Variants in FAM168A observed in about 807,000 individuals in gnomAD.
The protein encoded by FAM168A is protein FAM168A.
A neutral mutation model predicts 28.5 loss-of-function variants in FAM168A; 3 were observed. The ratio of observed to expected loss-of-function variants is 0.11; its 90% CI spans 0.05 to 0.27. The LOEUF (loss-of-function observed/expected upper bound fraction) is 0.27. Ranked by LOEUF, FAM168A falls within the 10% of genes least tolerant of loss-of-function variation. The pLI, the probability that FAM168A is intolerant of heterozygous loss-of-function variation, is 1.00. For synonymous variants in FAM168A, 122 were observed against 124.2 expected, an observed-to-expected ratio of 0.98 and a Z score of 0.12; for missense variants, 222 against 311.5, an observed-to-expected ratio of 0.71 and a Z score of 2.16.
intron 4 of FAM168A, 63 bp downstream of exon 4, chr11:73,419,811 C>A: frequency 6.3e-7 from 1 of 1,581,260 alleles, no homozygotes; most frequent in Non-Finnish European, 8.6e-7. Flanking sequence ...CCTTTCCTTT[C>A]TTCCTAAGAA....
chr11:73,405,044 A>G lies in FAM168A; in HGVS notation c.*1719T>C, dbSNP rs1260751742. On this transcript the variant is annotated 3_prime_UTR_variant, in exon 8 of 8. Transcript: ENST00000356467. ...GTCCCAGGGGTCCCTCTTCTCCCAG[A>G]TGAGCCTGTCTCCTGGGCCTCATCC... 6.6e-6 allele frequency: 1 copy of G among 152,154 alleles called. No individual in the cohort carries two copies. Among genetic ancestry groups the G allele is most frequent in the Non-Finnish European group, 1.5e-5 (1 of 68,036 alleles). The allele number at this position is 152,154 out of a possible 1,614,324, so 9.4% of individuals were successfully genotyped here.
intron 1 of FAM168A, among the ~76,000 whole-genome samples, chr11:73,584,469 CTTTTTTT>C (rs1162075797): frequency 7.8e-6 from 1 of 128,280 alleles, no homozygotes; most frequent in African/African-American, 3.1e-5. Flanking sequence ...GGCCCACTGA[CTTTTTTT>C]TTTTTTTTTT....
chr11:73,447,323 A>G (rs1384122096), intron 2 of FAM168A, among the ~76,000 whole-genome samples: 1 of 152,030 alleles, frequency 6.6e-6, no homozygotes, highest in Non-Finnish European at 1.5e-5. Flanking sequence ...TAGAGGAAGG[A>G]GAATTGCTTG....
At chr11:73,568,453 C>G (rs887623610) in intron 1 of FAM168A, among the ~76,000 whole-genome samples, 5 of 152,100 alleles carry the variant, frequency 3.3e-5, no homozygotes, top group African/African-American at 1.2e-4. Flanking sequence ...ATATTTTGCA[C>G]TATAATAATA....
chr11:73,454,017 GC>G (rs1311747185), intron 2 of FAM168A, among the ~76,000 whole-genome samples: 1 of 152,198 alleles, frequency 6.6e-6, no homozygotes, highest in Admixed American at 6.5e-5. Context: ...GGACAGGCTG[GC>G]TTTCATGGTC....
chr11:73,590,936 G>C (rs1381543189), intron 1 of FAM168A, among the ~76,000 whole-genome samples: 1 of 151,982 alleles, frequency 6.6e-6, no homozygotes, highest in Non-Finnish European at 1.5e-5. Flanking sequence ...TGAGGTCAGG[G>C]GTTCAAGACC....
At chr11:73,476,722 GATA>G (rs1373478735) in intron 1 of FAM168A, among the ~76,000 whole-genome samples, 1 of 151,964 alleles carries the variant, frequency 6.6e-6, no homozygotes, top group African/African-American at 2.4e-5. Flanking sequence ...ATTAAAGTAT[GATA>G]ATAACTTATC....
chr11:73,483,366 GTTCAT>G (rs1172213892), intron 1 of FAM168A, among the ~76,000 whole-genome samples: 1 of 152,172 alleles, frequency 6.6e-6, no homozygotes, highest in Non-Finnish European at 1.5e-5. Context: ...TAAGGAAAGT[GTTCAT>G]TTCACCTTGA....
At chr11:73,562,587 G>A (rs1392339530) in intron 1 of FAM168A, among the ~76,000 whole-genome samples, 3 of 152,160 alleles carry the variant, frequency 2.0e-5, no homozygotes, top group Non-Finnish European at 4.4e-5. Context: ...AGAACTTTGG[G>A]AGGCTGAGGC....
chr11:73,421,893 TC>T (rs941291062), intron 3 of FAM168A, among the ~76,000 whole-genome samples: 4 of 152,198 alleles, frequency 2.6e-5, no homozygotes, highest in African/African-American at 9.7e-5. Context: ...AATTTTTTCC[TC>T]CAAGTGGTAT....
intron 1 of FAM168A, among the ~76,000 whole-genome samples, chr11:73,472,199 T>TA (rs1460066563): frequency 2.0e-5 from 3 of 152,162 alleles, no homozygotes; most frequent in African/African-American, 7.2e-5. Context: ...TAGGGAGTGC[T>TA]AAGGGCAGGT....
intron 1 of FAM168A, among the ~76,000 whole-genome samples, chr11:73,504,579 G>A (rs908402073): frequency 6.6e-6 from 1 of 152,166 alleles, no homozygotes; most frequent in Non-Finnish European, 1.5e-5. Flanking sequence ...TTCAACCATC[G>A]TAGAAGACAG....
At chr11:73,441,651 G>A (rs1037981468) in intron 2 of FAM168A, among the ~76,000 whole-genome samples, 1 of 152,260 alleles carries the variant, frequency 6.6e-6, no homozygotes, top group African/African-American at 2.4e-5. Context: ...CTGGTCCTGG[G>A]CTTTTCTTTG....
At chr11:73,559,858 GTT>G (rs1217384528) in intron 1 of FAM168A, among the ~76,000 whole-genome samples, 2 of 152,198 alleles carry the variant, frequency 1.3e-5, no homozygotes, top group African/African-American at 2.4e-5. Flanking sequence ...CCCAAAAATT[GTT>G]TTGTTATCTT....
chr11:73,465,605 A>G (rs1057484548), intron 2 of FAM168A, among the ~76,000 whole-genome samples: 7 of 77,662 alleles, frequency 9.0e-5, no homozygotes, highest in African/African-American at 8.9e-4. Flanking sequence ...TACACAGCAG[A>G]AAGAGCTCTG....
intron 1 of FAM168A, among the ~76,000 whole-genome samples, chr11:73,530,104 T>G (rs1006279524): frequency 1.3e-5 from 2 of 152,114 alleles, no homozygotes; most frequent in African/African-American, 4.8e-5. Context: ...TAATTAATGA[T>G]CAACTTTTTA....
intron 1 of FAM168A, among the ~76,000 whole-genome samples, chr11:73,597,153 C>T (rs963595910): frequency 6.6e-6 from 1 of 152,070 alleles, no homozygotes; most frequent in Non-Finnish European, 1.5e-5. Flanking sequence ...GTGGCCCCTT[C>T]CTGCCAGCTC....
At chr11:73,593,269 G>T (rs1185889601) in intron 1 of FAM168A, among the ~76,000 whole-genome samples, 1 of 152,094 alleles carries the variant, frequency 6.6e-6, no homozygotes, top group Non-Finnish European at 1.5e-5. Context: ...GTTAAGCTGG[G>T]TAGCAAGTAG....
At chr11:73,459,709 T>C (rs1206612475) in intron 2 of FAM168A, among the ~76,000 whole-genome samples, 3 of 152,024 alleles carry the variant, frequency 2.0e-5, no homozygotes, top group Non-Finnish European at 2.9e-5. Flanking sequence ...CAACTATCAT[T>C]GTTCTAAAAA....
Sources: gnomAD v4.1 joint callset for allele counts (sites outside exome capture counted in the v4.1 genomes callset) on GRCh38, gnomAD v4.1.1 for gene constraint, MANE v1.5 for transcripts, NCBI Gene and HGNC (gene_info 2026-07-23, HGNC 2026-07-21) for gene names.